PITPNM3: variants seen among roughly 807,000 people sequenced by gnomAD.
PITPNM3 encodes the protein membrane-associated phosphatidylinositol transfer protein 3.
Under a neutral mutation model 102.0 loss-of-function variants are expected in PITPNM3, and 26 were observed. That is an observed-to-expected ratio of 0.25 (90% CI 0.19 to 0.35). The LOEUF (loss-of-function observed/expected upper bound fraction) is 0.35, where lower values mean the gene tolerates loss of function less well. PITPNM3 is among the 10% of genes least tolerant of loss of function. The pLI, the probability that PITPNM3 is intolerant of heterozygous loss-of-function variation, is 1.00. For synonymous variants in PITPNM3, 578 were observed against 558.6 expected, an observed-to-expected ratio of 1.03 and a Z score of -0.49; for missense variants, 1,083 against 1,346.1, an observed-to-expected ratio of 0.80 and a Z score of 3.06.
Position 6,469,301 on chromosome 17 carries a change from A to G in PITPNM3, c.1773+959T>C, listed in dbSNP as rs1904940578. 6.6e-6 allele frequency among the ~76,000 whole-genome samples: 1 copy of G among 151,990 alleles called. No homozygotes were observed. The highest frequency in any genetic ancestry group is 2.4e-5 in the African/African-American group (1 of 41,366). The stretch of plus-strand genomic sequence containing the variant: ...GCAACTAAGAGGCAGCTCACACTTC[A>G]CACACCCAGACAGTCGTGGATGTGC... On this transcript the variant is annotated intron_variant, in intron 13 of 19. Coordinates refer to ENST00000262483, the MANE Select transcript of PITPNM3 (RefSeq NM_031220.4). The surrounding 1 kb of genome is among the most constrained non-coding windows in gnomAD (Gnocchi z 4.0).
intron 3 of PITPNM3, among the ~76,000 whole-genome samples, chr17:6,518,478 G>A (rs1185551639): frequency 6.6e-6 from 1 of 150,830 alleles, no homozygotes; most frequent in Admixed American, 6.6e-5. Context: ...AACCTTGCTA[G>A]GACCCTCCCT....
Position 6,536,030 on chromosome 17 carries a change from C to T in PITPNM3, c.118+1957G>A, listed in dbSNP as rs117292112. On this transcript the variant is annotated intron_variant, in intron 2 of 19. Coordinates refer to ENST00000262483, the MANE Select transcript of PITPNM3 (RefSeq NM_031220.4). Reference sequence around the variant, plus strand: ...AGTGAGCCAAGATCGCTCCGTTGCACCGCCACCTGGGCTACAAAGCGAGAC... The same window carrying T: ...AGTGAGCCAAGATCGCTCCGTTGCATCGCCACCTGGGCTACAAAGCGAGAC... Among the ~76,000 whole-genome samples the T allele has an allele frequency of 4.0e-4, 61 of 151,128 alleles. No homozygotes were observed. The East Asian group carries it at 0.011, about 28-fold the overall frequency.
chr17:6,479,851 G>GT (rs1320160731), intron 6 of PITPNM3: 2 of 152,230 alleles, frequency 1.3e-5, no homozygotes, highest in East Asian at 3.8e-4. Flanking sequence ...TGATTATGGG[G>GT]TGATGAATGG....
At chr17:6,475,339 G>A (rs781626222) in intron 9 of PITPNM3, among the ~76,000 whole-genome samples, 22 of 152,234 alleles carry the variant, frequency 1.4e-4, no homozygotes, top group Non-Finnish European at 2.9e-4. Flanking sequence ...CAGACCCAGA[G>A]TAGGACGCTG....
In PITPNM3 at chr17:6,457,837, G is replaced by T; in HGVS notation, c.2491-115C>A. 7.0e-7 allele frequency: 1 copy of T among 1,424,526 alleles called. No individual in the cohort carries two copies. Among genetic ancestry groups the T allele is most frequent in the Non-Finnish European group, 9.6e-7 (1 of 1,046,618 alleles). 88.2% of individuals were successfully genotyped at this position (1,424,526 alleles called of 1,614,324 possible). A position where few individuals can be genotyped will look rare whatever the true frequency, so the allele number is the denominator to read the frequency against. ...GGGACCCTTTATGTGCACTCTGGTA[G>T]ACTCCAAGCCATGGGGCCACCCTGT... On this transcript the variant is annotated intron_variant, in intron 18 of 19. Coordinates refer to ENST00000262483, the MANE Select transcript of PITPNM3 (RefSeq NM_031220.4). This position sits in a 1 kb window ranked among gnomAD's most constrained non-coding sequence, Gnocchi z 4.7.
At chr17:6,527,930 T>G (rs1191450670) in intron 2 of PITPNM3, among the ~76,000 whole-genome samples, 2 of 152,248 alleles carry the variant, frequency 1.3e-5, no homozygotes, top group Admixed American at 6.5e-5. Context: ...TCTGGAGGTC[T>G]GAGCATGCCT....
rs184207342 is a variant in PITPNM3, at chr17:6,492,016, A to T, written c.275-7724T>A. On this transcript the variant is annotated intron_variant, in intron 4 of 19. Coordinates refer to ENST00000262483, the MANE Select transcript of PITPNM3 (RefSeq NM_031220.4). Reference sequence around the variant, plus strand: ...TCTTTTAGTTTAAAACTATTTATGAATGTTTATTGGATAGATAATACAAGT... The same window carrying T: ...TCTTTTAGTTTAAAACTATTTATGATTGTTTATTGGATAGATAATACAAGT... Among the ~76,000 whole-genome samples the T allele has an allele frequency of 3.9e-3, 591 of 150,534 alleles. 2 individuals carry two copies. The highest frequency in any genetic ancestry group is 0.014 in the African/African-American group (554 of 40,980).
In PITPNM3 at chr17:6,452,695, C is replaced by A. The variant is rs1913899047; in HGVS notation, c.*2643G>T. Reference sequence around the variant, plus strand: ...CACTAAACAGAACCGCAGGTACACACTCACACACGCCAACTACAGCTCCAG... The same window carrying A: ...CACTAAACAGAACCGCAGGTACACAATCACACACGCCAACTACAGCTCCAG... On this transcript the variant is annotated 3_prime_UTR_variant, in exon 20 of 20. Transcript: ENST00000262483. The A allele has an allele frequency of 6.6e-6, 1 of 152,288 alleles. No homozygotes were observed. The highest frequency in any genetic ancestry group is 2.4e-5 in the African/African-American group (1 of 41,466). The allele number at this position is 152,288 out of a possible 1,614,324, so 9.4% of individuals were successfully genotyped here.
Position 6,478,170 on chromosome 17 carries a change from T to G in PITPNM3, c.778-73A>C. ...TCACCCCCACACCCGGCCAGAGCAG[T>G]GCTGCCTCCCCACAGGAGAATGAGA... On this transcript the variant is annotated intron_variant, in intron 7 of 19. Transcript: ENST00000262483. This position sits in a 1 kb window ranked among gnomAD's most constrained non-coding sequence, Gnocchi z 4.4. The G allele has an allele frequency of 6.2e-7, 1 of 1,601,204 alleles. No homozygotes were observed. Among genetic ancestry groups the G allele is most frequent in the South Asian group, 1.1e-5 (1 of 90,786 alleles).
At chr17:6,541,937 C>T (rs1476476738) in intron 1 of PITPNM3, among the ~76,000 whole-genome samples, 2 of 152,282 alleles carry the variant, frequency 1.3e-5, no homozygotes, top group Non-Finnish European at 2.9e-5. Flanking sequence ...TAAAGTCATC[C>T]TAACCAAGCC....
At chr17:6,520,489 ATCT>A (rs1908446180) in intron 3 of PITPNM3, among the ~76,000 whole-genome samples, 1 of 152,216 alleles carries the variant, frequency 6.6e-6, no homozygotes, top group South Asian at 2.1e-4. Flanking sequence ...GCTCTCCAAG[ATCT>A]TCTGTTAAAT....
chr17:6,496,793 G>A (rs1386791511), intron 4 of PITPNM3, among the ~76,000 whole-genome samples: 3 of 152,042 alleles, frequency 2.0e-5, no homozygotes, highest in East Asian at 1.9e-4. Context: ...TATAAGTGTC[G>A]GAAGCTGCAC....
Position 6,457,839 on chromosome 17 carries a change from C to T in PITPNM3, c.2491-117G>A. The T allele has an allele frequency of 7.1e-7, 1 of 1,418,054 alleles. No individual in the cohort carries two copies. Among genetic ancestry groups the T allele is most frequent in the East Asian group, 2.5e-5 (1 of 40,126 alleles). The allele number at this position is 1,418,054 out of a possible 1,614,324, so 87.8% of individuals were successfully genotyped here. On this transcript the variant is annotated intron_variant, in intron 18 of 19. Transcript: ENST00000262483. This position sits in a 1 kb window ranked among gnomAD's most constrained non-coding sequence, Gnocchi z 4.7. The stretch of plus-strand genomic sequence containing the variant: ...GACCCTTTATGTGCACTCTGGTAGA[C>T]TCCAAGCCATGGGGCCACCCTGTGT...
chr17:6,535,671 C>A (rs1324596291), intron 2 of PITPNM3, among the ~76,000 whole-genome samples: 1 of 152,088 alleles, frequency 6.6e-6, no homozygotes, highest in Non-Finnish European at 1.5e-5. Context: ...GTAATCCCAG[C>A]ACTTTGGGAG....
chr17:6,483,161 G>A (rs1028276265), intron 6 of PITPNM3, among the ~76,000 whole-genome samples: 2 of 151,980 alleles, frequency 1.3e-5, no homozygotes, highest in African/African-American at 4.8e-5. Context: ...AGCCAGGATG[G>A]TCTTGATCTT....
At chr17:6,502,417 T>C (rs889469382) in intron 4 of PITPNM3, among the ~76,000 whole-genome samples, 7 of 151,978 alleles carry the variant, frequency 4.6e-5, no homozygotes, top group Non-Finnish European at 1.5e-5. Flanking sequence ...GATCGTGCCA[T>C]TGCGCTCCAG....
intron 6 of PITPNM3, chr17:6,481,887 GAGAGAGAGAGAGAAT>G: frequency 8.9e-6 from 1 of 112,724 alleles, no homozygotes; most frequent in Non-Finnish European, 1.9e-5. Flanking sequence ...GAGAGAGAGA[GAGAGAGAGAGAGAAT>G]ACATAGATAG....
At chr17:6,509,407 G>A (rs1320181736) in intron 3 of PITPNM3, among the ~76,000 whole-genome samples, 5 of 152,284 alleles carry the variant, frequency 3.3e-5, no homozygotes, top group South Asian at 4.1e-4. Flanking sequence ...TCAGACAGAC[G>A]GGGCCTTGGA....
chr17:6,532,509 C>G (rs909134251), intron 2 of PITPNM3, among the ~76,000 whole-genome samples: 8 of 152,128 alleles, frequency 5.3e-5, no homozygotes, highest in Non-Finnish European at 1.2e-4. Flanking sequence ...CTCCCCATCC[C>G]CAGGCGACCG....
Sources: allele counts gnomAD v4.1 joint callset (sites outside exome capture counted in the v4.1 genomes callset), GRCh38; gene constraint gnomAD v4.1.1; non-coding constraint Gnocchi (gnomAD v3.1); transcripts MANE v1.5; gene names NCBI Gene and HGNC (gene_info 2026-07-23, HGNC 2026-07-21).